NCKAP5: variants seen among roughly 807,000 people sequenced by gnomAD.
NCKAP5 encodes NCK associated protein 5, also known as nck-associated protein 5.
NCKAP5 carries 92 observed loss-of-function variants against 167.0 expected under a neutral mutation model. The observed-to-expected ratio is 0.55, with a 90% CI of 0.47 to 0.66. The LOEUF is 0.66. Ranked by LOEUF, NCKAP5 falls within the 30% of genes least tolerant of loss-of-function variation. The probability of loss-of-function intolerance (pLI) is 0.00; values close to 1 mark genes in which losing one functional copy is unlikely to be tolerated. For missense variants in NCKAP5, 2,378 were observed against 2,315.0 expected (o/e 1.03, Z -0.56); for synonymous variants, 891 against 877.4 (o/e 1.02, Z -0.27).
At chr2:133,131,149 G>A (rs2082588560) in intron 5 of NCKAP5, among the ~76,000 whole-genome samples, 1 of 152,118 alleles carries the variant, frequency 6.6e-6, no homozygotes, top group Admixed American at 6.5e-5. Context: ...TCTAACTCAT[G>A]AGAAAAAAGG....
intron 3 of NCKAP5, among the ~76,000 whole-genome samples, chr2:133,511,584 C>T (rs1172813462): frequency 6.6e-6 from 1 of 152,210 alleles, no homozygotes; most frequent in Non-Finnish European, 1.5e-5. Context: ...TAAACCAGGC[C>T]AAAGCTAGTC....
intron 16 of NCKAP5, among the ~76,000 whole-genome samples, chr2:132,758,128 C>T (rs1680704101): frequency 6.6e-6 from 1 of 152,202 alleles, no homozygotes. Flanking sequence ...CCTCCTGTCT[C>T]CTCATTCGGT....
intron 7 of NCKAP5, among the ~76,000 whole-genome samples, chr2:132,976,581 AAAG>A (rs1273921613): frequency 7.3e-5 from 11 of 151,298 alleles, no homozygotes; most frequent in Middle Eastern, 3.4e-3. Flanking sequence ...AAAAAAAAAA[AAAG>A]AAGAAGAAAG....
rs550677892 is a variant in NCKAP5, at chr2:132,825,245, T to C, written c.808-28516A>G. 2.2e-3 allele frequency among the ~76,000 whole-genome samples: 337 copies of C among 152,302 alleles called. 1 individual carries two copies. Among genetic ancestry groups the C allele is most frequent in the African/African-American group, 7.8e-3 (323 of 41,566 alleles). On this transcript the variant is annotated intron_variant, in intron 11 of 19. Coordinates refer to ENST00000409261, the MANE Select transcript of NCKAP5 (RefSeq NM_207363.3). ...TGTCTCTACATAGGTGAGTGGCTAA[T>C]GAAACATAGCATGTTCAAGGTAAGC... is the stretch of plus-strand genomic sequence containing the variant.
At chr2:133,144,377 T>C (rs1031187342) in intron 5 of NCKAP5, among the ~76,000 whole-genome samples, 12 of 152,144 alleles carry the variant, frequency 7.9e-5, no homozygotes, top group Non-Finnish European at 1.2e-4. Flanking sequence ...CCATAGTTTG[T>C]GGACTCCTAG....
At chr2:133,190,372 G>A (rs2085157834) in intron 5 of NCKAP5, among the ~76,000 whole-genome samples, 1 of 152,154 alleles carries the variant, frequency 6.6e-6, no homozygotes, top group African/African-American at 2.4e-5. Flanking sequence ...TGTATTCAAT[G>A]CCATCCCCAT....
intron 4 of NCKAP5, among the ~76,000 whole-genome samples, chr2:133,216,640 A>G (rs900690536): frequency 6.6e-6 from 1 of 152,176 alleles, no homozygotes; most frequent in African/African-American, 2.4e-5. Flanking sequence ...CTATTTAGTG[A>G]AAAAAGTAGA....
At chr2:133,240,665 T>C (rs1240984640) in intron 4 of NCKAP5, among the ~76,000 whole-genome samples, 1 of 152,180 alleles carries the variant, frequency 6.6e-6, no homozygotes, top group African/African-American at 2.4e-5. Context: ...AAAGTGCTTT[T>C]TGCCAGGCGG....
chr2:132,800,496 C>T (rs982544734), intron 11 of NCKAP5, among the ~76,000 whole-genome samples: 1 of 152,192 alleles, frequency 6.6e-6, no homozygotes, highest in African/African-American at 2.4e-5. Context: ...TAATTTCACA[C>T]ATTTTCAAAC....
chr2:133,415,039 T>C (rs868145068), intron 3 of NCKAP5, among the ~76,000 whole-genome samples: 5 of 152,214 alleles, frequency 3.3e-5, no homozygotes, highest in Non-Finnish European at 7.3e-5. Context: ...GTTTTACAAA[T>C]TGGTAAATAC....
intron 8 of NCKAP5, among the ~76,000 whole-genome samples, chr2:132,927,053 G>T (rs966968251): frequency 6.6e-6 from 1 of 152,074 alleles, no homozygotes. Flanking sequence ...TTTATATGTG[G>T]TGAGAGACAG....
chr2:132,790,974 TAG>T (rs1427599349), intron 12 of NCKAP5, among the ~76,000 whole-genome samples: 1 of 152,168 alleles, frequency 6.6e-6, no homozygotes, highest in African/African-American at 2.4e-5. Context: ...AGGACGAAGA[TAG>T]AGTCACATCT....
chr2:133,408,938 C>G (rs1235831852), intron 3 of NCKAP5, among the ~76,000 whole-genome samples: 2 of 152,164 alleles, frequency 1.3e-5, no homozygotes, highest in Non-Finnish European at 2.9e-5. Flanking sequence ...CAGCAGGGAC[C>G]CAGTGGAGCC....
chr2:133,175,415 G>A (rs1437218090), intron 5 of NCKAP5, among the ~76,000 whole-genome samples: 5 of 152,040 alleles, frequency 3.3e-5, no homozygotes, highest in Non-Finnish European at 7.4e-5. Context: ...TAATTAGAAC[G>A]TTTTTCTGTA....
chr2:132,772,000 A>AT (rs1012788221), intron 16 of NCKAP5, among the ~76,000 whole-genome samples: 4 of 151,280 alleles, frequency 2.6e-5, no homozygotes, highest in African/African-American at 7.3e-5. Context: ...CGATACTCGT[A>AT]TTTTTTTTAA....
chr2:133,534,450 C>T (rs562373575), intron 2 of NCKAP5, among the ~76,000 whole-genome samples: 9 of 152,184 alleles, frequency 5.9e-5, no homozygotes, highest in Admixed American at 5.2e-4. Flanking sequence ...ATTTTTAACA[C>T]TCCAAAAAGA....
In NCKAP5 at chr2:133,411,497, G is replaced by A. The variant is rs578039710; in HGVS notation, c.69+105961C>T. On this transcript the variant is annotated intron_variant, in intron 3 of 19. Transcript: ENST00000409261. Reference sequence around the variant, plus strand: ...AGGAATCACCGATGAGCGTACACAAGGATAAATACACCATTCATTTTCCAC... The same window carrying A: ...AGGAATCACCGATGAGCGTACACAAAGATAAATACACCATTCATTTTCCAC... Among the ~76,000 whole-genome samples the A allele has an allele frequency of 6.1e-4, 93 of 152,296 alleles. 1 individual carries two copies. Among genetic ancestry groups the A allele is most frequent in the Non-Finnish European group, 1.2e-4 (8 of 68,032 alleles).
chr2:132,755,186 A>G (rs1167704814), intron 16 of NCKAP5, among the ~76,000 whole-genome samples: 1 of 152,234 alleles, frequency 6.6e-6, no homozygotes, highest in Non-Finnish European at 1.5e-5. Context: ...CATGAGGACA[A>G]TCTGGGAGGA....
chr2:132,795,597 G>A (rs1464242473), intron 12 of NCKAP5, among the ~76,000 whole-genome samples: 4 of 152,090 alleles, frequency 2.6e-5, no homozygotes, highest in African/African-American at 9.7e-5. Context: ...GAGGCAGGCA[G>A]ATCACAAGGT....
Sources: allele counts gnomAD v4.1 joint callset (sites outside exome capture counted in the v4.1 genomes callset), GRCh38; gene constraint gnomAD v4.1.1; transcripts MANE v1.5; gene names NCBI Gene and HGNC (gene_info 2026-07-23, HGNC 2026-07-21).